The following NRG1 variants were observed in gnomAD, a reference collection of about 807,000 sequenced individuals.
NRG1 encodes the protein neuregulin 1, also known as pro-neuregulin-1, membrane-bound isoform.
A neutral mutation model predicts 63.8 loss-of-function variants in NRG1; 18 were observed. That is an observed-to-expected ratio of 0.28 (90% confidence interval 0.19 to 0.42). The LOEUF is 0.42. Among genes scored for constraint, NRG1 ranks in the 10% least tolerant of loss-of-function variants. NRG1 has a pLI of 1.00. For missense variants in NRG1, 762 were observed against 814.7 expected (o/e 0.94, Z 0.79); for synonymous variants, 302 against 301.3 (o/e 1.00, Z -0.02).
At chr8:32,093,200 A>C (rs888739732) in intron 1 of NRG1, among the ~76,000 whole-genome samples, 2 of 152,154 alleles carry the variant, frequency 1.3e-5, no homozygotes, top group East Asian at 3.9e-4. Context: ...GCTCGCAGAG[A>C]CATGTGCTGT....
Position 32,458,655 on chromosome 8 carries a change from G to A in NRG1, c.38-137173G>A, listed in dbSNP as rs534553221. ...TCTTTATGCTTTTATTGCAGGTGAA[G>A]TCATTTCCTAACATCACTGCTCCCT... On this transcript the variant is annotated intron_variant, in intron 1 of 10. Coordinates refer to the NRG1 transcript ENST00000519301. 6.6e-5 allele frequency among the ~76,000 whole-genome samples: 10 copies of A among 152,204 alleles called. No homozygotes were observed. In the South Asian group the frequency reaches 8.3e-4, roughly 13 times the overall value.
upstream of NRG1, among the ~76,000 whole-genome samples, chr8:32,545,334 C>T (rs1832967739): frequency 6.6e-6 from 1 of 152,072 alleles, no homozygotes. Flanking sequence ...AAAATCTGTA[C>T]TCTTTTTATC....
chr8:32,078,566 A>G (rs1330299070), intron 1 of NRG1, among the ~76,000 whole-genome samples: 1 of 152,208 alleles, frequency 6.6e-6, no homozygotes, highest in African/African-American at 2.4e-5. Context: ...GTTCTAGGGT[A>G]GCCCCTGGTA....
intron 1 of NRG1, among the ~76,000 whole-genome samples, chr8:31,655,625 A>T (rs1805360253): frequency 6.6e-6 from 1 of 152,242 alleles, no homozygotes; most frequent in South Asian, 2.1e-4. Flanking sequence ...AGGGGAACCC[A>T]ATGAAGGGTT....
chr8:32,505,380 A>G (rs59560235), intron 1 of NRG1, among the ~76,000 whole-genome samples: 10 of 152,288 alleles, frequency 6.6e-5, no homozygotes, highest in African/African-American at 2.4e-4. Flanking sequence ...AGAGCTCTCT[A>G]AATATCCTTT....
At chr8:32,005,547 CTA>C (rs1184454964) in intron 1 of NRG1, among the ~76,000 whole-genome samples, 1 of 151,914 alleles carries the variant, frequency 6.6e-6, no homozygotes, top group African/African-American at 2.4e-5. Flanking sequence ...CATATAACTA[CTA>C]GTTTAAAATA....
chr8:32,041,725 G>A (rs1820077455), intron 1 of NRG1, among the ~76,000 whole-genome samples: 1 of 152,164 alleles, frequency 6.6e-6, no homozygotes, highest in Non-Finnish European at 1.5e-5. Flanking sequence ...ACAGTCACAA[G>A]AGCATGTAAC....
chr8:32,561,814 T>G (rs1463347923), intron 1 of NRG1, among the ~76,000 whole-genome samples: 1 of 151,288 alleles, frequency 6.6e-6, no homozygotes, highest in African/African-American at 2.4e-5. Flanking sequence ...TCAGTTTGCA[T>G]TAGGGGATTT....
chr8:31,919,169 A>AT (rs1166714629), intron 1 of NRG1, among the ~76,000 whole-genome samples: 2 of 151,736 alleles, frequency 1.3e-5, no homozygotes, highest in Non-Finnish European at 2.9e-5. Flanking sequence ...GGATTCATTG[A>AT]TTTTTTTGAA....
chr8:32,251,560 T>A (rs1402449412), intron 1 of NRG1, among the ~76,000 whole-genome samples: 1 of 152,216 alleles, frequency 6.6e-6, no homozygotes, highest in Non-Finnish European at 1.5e-5. Context: ...TATAATCCTT[T>A]GGGTGTATAC....
chr8:32,158,469 A>ATATATATATATATATATATATATATC, intron 1 of NRG1, among the ~76,000 whole-genome samples: 1 of 131,988 alleles, frequency 7.6e-6, no homozygotes, highest in Non-Finnish European at 1.6e-5. Flanking sequence ...ATATATATAT[A>ATATATATATATATATATATATATATC]TATCATGTAT....
intron 1 of NRG1, among the ~76,000 whole-genome samples, chr8:31,843,098 T>C (rs1224696880): frequency 6.6e-6 from 1 of 151,974 alleles, no homozygotes; most frequent in Non-Finnish European, 1.5e-5. Flanking sequence ...GCAGGACACC[T>C]CTGTTCTCAT....
intron 1 of NRG1, among the ~76,000 whole-genome samples, chr8:32,259,614 C>A (rs1850136024): frequency 6.6e-6 from 1 of 152,162 alleles, no homozygotes; most frequent in Non-Finnish European, 1.5e-5. Context: ...CACATAATTA[C>A]CCTCCCCCAA....
At chr8:32,651,764 C>A (rs1283178241) in intron 5 of NRG1, among the ~76,000 whole-genome samples, 1 of 152,156 alleles carries the variant, frequency 6.6e-6, no homozygotes, top group Non-Finnish European at 1.5e-5. Context: ...CATAGGATTT[C>A]TTTCCTTCTA....
At chr8:32,477,114 T>A (rs1824619929) in intron 1 of NRG1, among the ~76,000 whole-genome samples, 1 of 152,096 alleles carries the variant, frequency 6.6e-6, no homozygotes, top group Non-Finnish European at 1.5e-5. Flanking sequence ...CCAATTGAGT[T>A]AAATATTCAT....
At chr8:32,114,724 T>G (rs1270879394) in intron 1 of NRG1, among the ~76,000 whole-genome samples, 1 of 152,132 alleles carries the variant, frequency 6.6e-6, no homozygotes, top group East Asian at 1.9e-4. Flanking sequence ...GAGCTATAGG[T>G]CATGTGGATT....
chr8:32,502,102 G>T (rs1827927201), intron 1 of NRG1, among the ~76,000 whole-genome samples: 1 of 152,138 alleles, frequency 6.6e-6, no homozygotes, highest in Admixed American at 6.5e-5. Flanking sequence ...AAAGAAAAGA[G>T]GTTGACTCAC....
chr8:32,601,435 C>A (rs1017524105), intron 2 of NRG1, among the ~76,000 whole-genome samples: 1 of 152,136 alleles, frequency 6.6e-6, no homozygotes, highest in Non-Finnish European at 1.5e-5. Context: ...CTAACTCTTT[C>A]ACAAGACACC....
intron 1 of NRG1, among the ~76,000 whole-genome samples, chr8:32,278,749 G>T (rs1444917533): frequency 2.0e-5 from 3 of 152,116 alleles, no homozygotes; most frequent in African/African-American, 7.2e-5. Context: ...GGTAGACTCT[G>T]CCCAGGCAAC....
Sources: gnomAD v4.1 joint callset for allele counts (sites outside exome capture counted in the v4.1 genomes callset) on GRCh38, gnomAD v4.1.1 for gene constraint, MANE v1.5 for transcripts, NCBI Gene and HGNC (gene_info 2026-07-23, HGNC 2026-07-21) for gene names.